ARHGEF4: variants seen among roughly 807,000 people sequenced by gnomAD.
ARHGEF4 encodes the protein Rho guanine nucleotide exchange factor 4.
Under a neutral mutation model 162.0 loss-of-function variants are expected in ARHGEF4, and 119 were observed. That is an observed-to-expected ratio of 0.73 (90% confidence interval 0.63 to 0.86). ARHGEF4 has a LOEUF of 0.86. ARHGEF4 is among the 40% of genes least tolerant of loss of function. The pLI is 0.00. For missense variants in ARHGEF4, 2,488 were observed against 2,456.0 expected, an observed-to-expected ratio of 1.01 and a Z score of -0.28; for synonymous variants, 1,014 against 979.9, an observed-to-expected ratio of 1.03 and a Z score of -0.65.
chr2:130,897,545 GAGGCAGA>G (rs1680234516), intron 1 of ARHGEF4, among the ~76,000 whole-genome samples: 1 of 152,276 alleles, frequency 6.6e-6, no homozygotes. Flanking sequence ...CACAAGCCCT[GAGGCAGA>G]AGGCGTGGGT....
intron 1 of ARHGEF4, among the ~76,000 whole-genome samples, chr2:130,869,840 G>A (rs999827697): frequency 6.6e-6 from 1 of 152,172 alleles, no homozygotes; most frequent in Non-Finnish European, 1.5e-5. Context: ...TTGTGTTTTC[G>A]GTGTTAAGCT....
chr2:130,874,121 T>C (rs1678673477), intron 1 of ARHGEF4, among the ~76,000 whole-genome samples: 1 of 152,198 alleles, frequency 6.6e-6, no homozygotes, highest in Non-Finnish European at 1.5e-5. Context: ...GCTTACCAAC[T>C]GTTCTGCCCC....
At chr2:131,030,476 T>C (rs1689775061) in intron 5 of ARHGEF4, among the ~76,000 whole-genome samples, 1 of 152,200 alleles carries the variant, frequency 6.6e-6, no homozygotes, top group South Asian at 2.1e-4. Flanking sequence ...GTGTTGCTGC[T>C]TTGCCTTAAC....
chr2:130,911,682 T>A (rs1681195865), intron 1 of ARHGEF4, among the ~76,000 whole-genome samples: 2 of 151,552 alleles, frequency 1.3e-5, no homozygotes, highest in African/African-American at 2.4e-5. Context: ...CATCTTAGAT[T>A]TTTTTTCCCC....
intron 1 of ARHGEF4, among the ~76,000 whole-genome samples, chr2:130,838,310 A>C (rs919836990): frequency 1.3e-5 from 2 of 152,146 alleles, no homozygotes; most frequent in Non-Finnish European, 2.9e-5. Flanking sequence ...TTATTAGAAA[A>C]TGTGAGTGTG....
intron 1 of ARHGEF4, among the ~76,000 whole-genome samples, chr2:130,860,998 A>G (rs1681985874): frequency 9.4e-6 from 1 of 106,070 alleles, no homozygotes; most frequent in Non-Finnish European, 1.8e-5. Flanking sequence ...AGCACTAAGA[A>G]AAGAACTTAC....
intron 4 of ARHGEF4, among the ~76,000 whole-genome samples, chr2:131,010,528 A>G (rs1688379560): frequency 1.3e-5 from 2 of 152,236 alleles, no homozygotes; most frequent in Admixed American, 6.5e-5. Flanking sequence ...ACATTCTCTG[A>G]CGTGAAATTA....
chr2:130,879,225 G>A (rs1220776009), intron 1 of ARHGEF4, among the ~76,000 whole-genome samples: 1 of 152,200 alleles, frequency 6.6e-6, no homozygotes, highest in East Asian at 1.9e-4. Context: ...AGCAAATATT[G>A]TGTGCAGATC....
rs1574218694 is a variant in ARHGEF4 at position 130,914,160 on chromosome 2, G to C, written c.214G>C (p.Glu72Gln). ...SGSDTKTDPF[E>Q]SASDTESLSG... ...ATCAGACACAAAAACTGACCCCTTT[G>C]AAAGTGCCTCTGACACAGAGTCCTT... The change falls in exon 2 of 14, where the codon GAA (glutamate) becomes CAA (glutamine). Residue 72 changes from glutamate to glutamine, a missense_variant. Physicochemically the swap from Glu to Gln is conservative, Grantham distance 29. Coordinates refer to ENST00000409359, the MANE Select transcript of ARHGEF4 (RefSeq NM_001367493.1). 1.3e-6 allele frequency: 2 copies of C among 1,536,116 alleles called. No homozygotes were observed. The highest frequency in any genetic ancestry group is 2.4e-5 in the South Asian group (2 of 84,056).
chr2:131,007,709 A>G (rs1316768613), intron 4 of ARHGEF4, among the ~76,000 whole-genome samples: 2 of 149,930 alleles, frequency 1.3e-5, no homozygotes, highest in Non-Finnish European at 2.9e-5. Flanking sequence ...CACACTCTAT[A>G]TACTGGTTTG....
chr2:131,017,565 GA>G (rs1688847737), intron 4 of ARHGEF4, among the ~76,000 whole-genome samples: 2 of 152,146 alleles, frequency 1.3e-5, no homozygotes, highest in African/African-American at 4.8e-5. Flanking sequence ...TGGGACTACT[GA>G]AAAGCCAAGA....
chr2:130,960,200 T>C (rs4850138), intron 4 of ARHGEF4, among the ~76,000 whole-genome samples: 149,549 of 152,292 alleles, frequency 0.98, 73,475 homozygotes, highest in Middle Eastern at 1. Flanking sequence ...AGGCCTAGGA[T>C]ATTACTGTAC....
At chr2:130,932,000 GACC>G (rs1682664466) in intron 3 of ARHGEF4, among the ~76,000 whole-genome samples, 1 of 151,932 alleles carries the variant, frequency 6.6e-6, no homozygotes, top group South Asian at 2.1e-4. Context: ...TATATTTTGC[GACC>G]ACCACCTCTG....
At chr2:130,877,396 C>T (rs557274928) in intron 1 of ARHGEF4, among the ~76,000 whole-genome samples, 3 of 152,308 alleles carry the variant, frequency 2.0e-5, no homozygotes, top group African/African-American at 7.2e-5. Context: ...CATTGCTTCA[C>T]ATAGTTATCA....
At chr2:130,841,198 G>T (rs1680580838) in intron 1 of ARHGEF4, among the ~76,000 whole-genome samples, 1 of 151,878 alleles carries the variant, frequency 6.6e-6, no homozygotes, top group Non-Finnish European at 1.5e-5. Flanking sequence ...CCAACTAGGT[G>T]GGATTACAGG....
At chr2:130,957,753 T>A (rs1354899911) in intron 4 of ARHGEF4, among the ~76,000 whole-genome samples, 3 of 152,214 alleles carry the variant, frequency 2.0e-5, no homozygotes, top group Admixed American at 6.5e-5. Context: ...CAGAAAACTC[T>A]CTAGCCCTCT....
At position 131,040,049 on chromosome 2, in the gene ARHGEF4, G is replaced by A; in HGVS notation, c.4339G>A (p.Asp1447Asn). 1 of 1,580,668 alleles carries A rather than the reference G, an allele frequency of 6.3e-7. No individual in the cohort carries two copies. Among genetic ancestry groups the A allele is most frequent in the Non-Finnish European group, 8.6e-7 (1 of 1,164,520 alleles). ...RVNQDEPADDDAPLAGNSGAE... is the reference protein window; with the variant it reads ...RVNQDEPADDNAPLAGNSGAE... ...GAATCAGGACGAGCCCGCGGATGAC[G>A]ACGCCCCTCTGGCCGGGAACAGCGG... is the stretch of plus-strand genomic sequence containing the variant. The change falls in exon 7 of 14, where the codon GAC becomes AAC. Residue 1447 changes from aspartate to asparagine, a missense_variant. Asp to Asn is a conservative substitution (Grantham distance 23, BLOSUM62 1). This residue lies in a region of ARHGEF4 where 174 missense variants were observed against 148.3 expected (regional missense o/e 1.17). Coordinates refer to ENST00000409359, the MANE Select transcript of ARHGEF4 (RefSeq NM_001367493.1).
At chr2:130,856,348 G>A (rs558011944) in intron 1 of ARHGEF4, among the ~76,000 whole-genome samples, 2 of 152,088 alleles carry the variant, frequency 1.3e-5, no homozygotes, top group African/African-American at 4.8e-5. Context: ...ACAAAGACTC[G>A]GAAATGTTGG....
chr2:131,012,383 G>A (rs1688512020), intron 4 of ARHGEF4, among the ~76,000 whole-genome samples: 1 of 152,186 alleles, frequency 6.6e-6, no homozygotes, highest in Non-Finnish European at 1.5e-5. Context: ...CCACCCATAA[G>A]AAGCCTTTAC....
Sources: allele counts gnomAD v4.1 joint callset (sites outside exome capture counted in the v4.1 genomes callset), GRCh38; gene constraint gnomAD v4.1.1; regional missense constraint gnomAD v4.1.1; transcripts MANE v1.5; gene names NCBI Gene and HGNC (gene_info 2026-07-23, HGNC 2026-07-21).